NPAS3: variants seen among roughly 807,000 people sequenced by gnomAD.
NPAS3 encodes neuronal PAS domain protein 3.
A neutral mutation model predicts 73.1 loss-of-function variants in NPAS3; 14 were observed. That is an observed-to-expected ratio of 0.19 (90% CI 0.13 to 0.30). NPAS3 has a LOEUF of 0.30. Among genes scored for constraint, NPAS3 ranks in the 10% least tolerant of loss-of-function variants. The pLI, the probability that NPAS3 is intolerant of heterozygous loss-of-function variation, is 1.00. For synonymous variants in NPAS3, 620 were observed against 541.5 expected, an observed-to-expected ratio of 1.14 and a Z score of -2.01; for missense variants, 1,096 against 1,250.0, an observed-to-expected ratio of 0.88 and a Z score of 1.86.
intron 3 of NPAS3, among the ~76,000 whole-genome samples, chr14:33,280,685 G>A (rs1476578811): frequency 6.6e-6 from 1 of 152,174 alleles, no homozygotes; most frequent in Non-Finnish European, 1.5e-5. Flanking sequence ...ATGTTGTCAA[G>A]AAAGGAAGAA....
At chr14:33,497,935 C>T (rs920107171) in intron 4 of NPAS3, among the ~76,000 whole-genome samples, 6 of 151,984 alleles carry the variant, frequency 3.9e-5, no homozygotes, top group African/African-American at 1.4e-4. Flanking sequence ...AAAATTTTTG[C>T]AATCTATCCA....
chr14:33,418,286 G>A (rs1382102665), intron 4 of NPAS3, among the ~76,000 whole-genome samples: 1 of 151,852 alleles, frequency 6.6e-6, no homozygotes, highest in Non-Finnish European at 1.5e-5. Flanking sequence ...AAGAGAAGAG[G>A]GGCCAAAGGC....
chr14:33,157,164 G>C (rs978032078), intron 2 of NPAS3, among the ~76,000 whole-genome samples: 9 of 152,102 alleles, frequency 5.9e-5, no homozygotes, highest in Non-Finnish European at 1.3e-4. Flanking sequence ...TTTTCTATGG[G>C]GAAATTGAGC....
chr14:33,663,880 G>A (rs1018738072), intron 5 of NPAS3, among the ~76,000 whole-genome samples: 1 of 151,828 alleles, frequency 6.6e-6, no homozygotes, highest in African/African-American at 2.4e-5. Flanking sequence ...GGGATCAGTG[G>A]TGATATCCCA....
At chr14:33,230,345 C>T (rs1352400351) in intron 3 of NPAS3, among the ~76,000 whole-genome samples, 1 of 152,156 alleles carries the variant, frequency 6.6e-6, no homozygotes, top group Non-Finnish European at 1.5e-5. Context: ...CCTCTGTGCT[C>T]TGGCTATCCC....
chr14:33,019,291 G>T (rs562900419), intron 1 of NPAS3, among the ~76,000 whole-genome samples: 14 of 152,274 alleles, frequency 9.2e-5, no homozygotes, highest in African/African-American at 3.4e-4. Flanking sequence ...GAAAGTCATT[G>T]TCCTCTAGTT....
intron 2 of NPAS3, among the ~76,000 whole-genome samples, chr14:33,109,651 T>C (rs994255128): frequency 6.6e-6 from 1 of 152,078 alleles, no homozygotes; most frequent in South Asian, 2.1e-4. Flanking sequence ...CTTCTTGTGG[T>C]GAGAGTATAA....
chr14:33,088,237 G>T (rs1022413039), intron 2 of NPAS3, among the ~76,000 whole-genome samples: 3 of 152,208 alleles, frequency 2.0e-5, no homozygotes, highest in Non-Finnish European at 4.4e-5. Context: ...AGCAGGGAGA[G>T]GCATCACCTC....
chr14:33,171,851 C>G (rs1006468360), intron 2 of NPAS3, among the ~76,000 whole-genome samples: 3 of 152,108 alleles, frequency 2.0e-5, no homozygotes, highest in Admixed American at 2.0e-4. Flanking sequence ...TCGTTTCTAG[C>G]TTTTGATTTA....
At chr14:33,228,235 G>T (rs1400371377) in intron 3 of NPAS3, among the ~76,000 whole-genome samples, 1 of 152,136 alleles carries the variant, frequency 6.6e-6, no homozygotes, top group Admixed American at 6.5e-5. Context: ...GGGAATTCTA[G>T]CATGTAAAAA....
At chr14:33,395,939 T>G (rs2047203496) in intron 4 of NPAS3, among the ~76,000 whole-genome samples, 1 of 152,164 alleles carries the variant, frequency 6.6e-6, no homozygotes, top group Admixed American at 6.6e-5. Context: ...GCCCAGCGGT[T>G]CCTTCCTAGA....
chr14:33,305,993 T>C (rs1482997034), intron 3 of NPAS3, among the ~76,000 whole-genome samples: 3 of 152,166 alleles, frequency 2.0e-5, no homozygotes, highest in African/African-American at 7.2e-5. Context: ...AGTGGTTGGG[T>C]GTTTTTGGTT....
intron 3 of NPAS3, among the ~76,000 whole-genome samples, chr14:33,282,106 A>G (rs576395124): frequency 2.6e-5 from 4 of 152,338 alleles, no homozygotes; most frequent in African/African-American, 7.2e-5. Context: ...AAGCCAGTCT[A>G]TTTGTTTGAC....
intron 2 of NPAS3, among the ~76,000 whole-genome samples, chr14:33,056,238 A>C (rs753362901): frequency 1.3e-5 from 2 of 152,166 alleles, no homozygotes; most frequent in Non-Finnish European, 1.5e-5. Flanking sequence ...AGTTTTTTTT[A>C]ACGACTGTAT....
chr14:33,750,518 C>T (rs1442599440), intron 7 of NPAS3, among the ~76,000 whole-genome samples: 1 of 152,100 alleles, frequency 6.6e-6, no homozygotes, highest in African/African-American at 2.4e-5. Flanking sequence ...TTCCCCAAAG[C>T]TTTGTTTACA....
intron 2 of NPAS3, among the ~76,000 whole-genome samples, chr14:33,058,494 A>T (rs2040972648): frequency 6.6e-6 from 1 of 152,238 alleles, no homozygotes; most frequent in Non-Finnish European, 1.5e-5. Context: ...TAGATATAGG[A>T]ATAGATACAG....
chr14:33,628,675 A>C (rs1001509811), intron 5 of NPAS3, among the ~76,000 whole-genome samples: 1 of 152,176 alleles, frequency 6.6e-6, no homozygotes, highest in Non-Finnish European at 1.5e-5. Flanking sequence ...GGCGGCTTGA[A>C]AGCTGGAAAT....
intron 8 of NPAS3, among the ~76,000 whole-genome samples, chr14:33,775,414 CA>C (rs1392755248): frequency 6.6e-6 from 1 of 152,152 alleles, no homozygotes; most frequent in Non-Finnish European, 1.5e-5. Flanking sequence ...CTGAGCCCTG[CA>C]AGTGCCTTCA....
intron 1 of NPAS3, among the ~76,000 whole-genome samples, chr14:33,025,632 G>A (rs2039773677): frequency 6.6e-6 from 1 of 152,174 alleles, no homozygotes; most frequent in Non-Finnish European, 1.5e-5. Flanking sequence ...GGTGGGAGGT[G>A]ATTGGATCAT....
Sources: allele counts gnomAD v4.1 joint callset (sites outside exome capture counted in the v4.1 genomes callset), GRCh38; gene constraint gnomAD v4.1.1; transcripts MANE v1.5; gene names NCBI Gene and HGNC (gene_info 2026-07-23, HGNC 2026-07-21).